The following SCRG1 variants were observed in gnomAD, a reference collection of about 807,000 sequenced individuals.
The protein encoded by SCRG1 is stimulator of chondrogenesis 1.
In SCRG1, 3 loss-of-function variants were observed where a neutral mutation model predicts 7.7. The ratio of observed to expected loss-of-function variants is 0.39; its 90% confidence interval spans 0.18 to 1.01. The LOEUF (loss-of-function observed/expected upper bound fraction) is 1.01, where lower values mean the gene tolerates loss of function less well. Among genes scored for constraint, SCRG1 ranks in the 50% least tolerant of loss-of-function variants. The pLI is 0.36. For missense variants in SCRG1, 110 were observed against 117.2 expected (o/e 0.94, Z 0.28); for synonymous variants, 46 against 41.2 (o/e 1.12, Z -0.44).
chr4:173,504,933 C>T, the SCRG1 span, among the ~76,000 whole-genome samples: 1 of 152,214 alleles, frequency 6.6e-6, no homozygotes, highest in African/African-American at 2.4e-5. The surrounding 1 kb of genome is among the most constrained non-coding windows in gnomAD (Gnocchi z 4.7). Flanking sequence ...AATGCAGTGC[C>T]ACTTTCTGAA....
At chr4:173,450,081 C>T in the SCRG1 span, among the ~76,000 whole-genome samples, 4 of 152,152 alleles carry the variant, frequency 2.6e-5, no homozygotes, top group Non-Finnish European at 5.9e-5. Flanking sequence ...CACAGTTCTG[C>T]ATAGCTGGGG....
the SCRG1 span, among the ~76,000 whole-genome samples, chr4:173,497,827 C>T: frequency 1.3e-5 from 2 of 151,890 alleles, no homozygotes; most frequent in Non-Finnish European, 2.9e-5. Flanking sequence ...CCCACCACCA[C>T]GCCCGGCTAG....
the SCRG1 span, among the ~76,000 whole-genome samples, chr4:173,481,411 C>T: frequency 6.6e-6 from 1 of 152,200 alleles, no homozygotes; most frequent in Non-Finnish European, 1.5e-5. Flanking sequence ...GCTTAGGGAA[C>T]AGTTCACAAT....
chr4:173,466,636 A>G, the SCRG1 span, among the ~76,000 whole-genome samples: 1 of 152,036 alleles, frequency 6.6e-6, no homozygotes, highest in African/African-American at 2.4e-5. Flanking sequence ...AAACTTAAAG[A>G]AAGAGTCCAA....
At chr4:173,392,717 T>C (rs1739485127) in intron 1 of SCRG1, among the ~76,000 whole-genome samples, 2 of 152,222 alleles carry the variant, frequency 1.3e-5, no homozygotes, top group East Asian at 1.9e-4. Context: ...GATTTTATCT[T>C]GTTAACAGGT....
At chr4:173,452,678 T>A in the SCRG1 span, among the ~76,000 whole-genome samples, 2 of 152,172 alleles carry the variant, frequency 1.3e-5, no homozygotes, top group African/African-American at 2.4e-5. Flanking sequence ...GTATTTTTTT[T>A]AAAGACCCTG....
chr4:173,503,809 A>G, the SCRG1 span, among the ~76,000 whole-genome samples: 1 of 152,172 alleles, frequency 6.6e-6, no homozygotes, highest in Non-Finnish European at 1.5e-5. The surrounding 1 kb of genome is among the most constrained non-coding windows in gnomAD (Gnocchi z 6.4). Flanking sequence ...CCCTAATTCT[A>G]TGAGTGGTGG....
chr4:173,411,990 G>T, the SCRG1 span, among the ~76,000 whole-genome samples: 1 of 152,246 alleles, frequency 6.6e-6, no homozygotes, highest in East Asian at 1.9e-4. Flanking sequence ...TTTTGCTTCT[G>T]CCCCATCTAC....
chr4:173,517,760 C>T, the SCRG1 span, among the ~76,000 whole-genome samples: 40 of 152,358 alleles, frequency 2.6e-4, no homozygotes, highest in African/African-American at 9.4e-4. Flanking sequence ...TGGAGGTCTT[C>T]TTTACTAAGA....
the SCRG1 span, among the ~76,000 whole-genome samples, chr4:173,451,630 CTTATTTTATTTATTTATTTATTTAT>C: frequency 4.8e-4 from 24 of 50,026 alleles, no homozygotes; most frequent in African/African-American, 9.4e-4. Context: ...ATTTTACTTA[CTTATTTTATTTATTTATTTATTTAT>C]TTATTTATTT....
At chr4:173,504,469 A>T in the SCRG1 span, among the ~76,000 whole-genome samples, 1 of 152,128 alleles carries the variant, frequency 6.6e-6, no homozygotes, top group Non-Finnish European at 1.5e-5. This position sits in a 1 kb window ranked among gnomAD's most constrained non-coding sequence, Gnocchi z 4.7. Flanking sequence ...TTTGTCTGCA[A>T]ATGTGGGACT....
At chr4:173,486,690 T>C in the SCRG1 span, among the ~76,000 whole-genome samples, 1 of 152,160 alleles carries the variant, frequency 6.6e-6, no homozygotes, top group Admixed American at 6.6e-5. Context: ...CCATTTACAA[T>C]AGTAGCATCA....
At chr4:173,469,387 T>C in the SCRG1 span, 1 of 152,186 alleles carries the variant, frequency 6.6e-6, no homozygotes, top group African/African-American at 2.4e-5. Context: ...TTAATTTTTA[T>C]GAATTTTCTT....
chr4:173,490,720 G>C, the SCRG1 span, among the ~76,000 whole-genome samples: 1 of 152,164 alleles, frequency 6.6e-6, no homozygotes, highest in African/African-American at 2.4e-5. Context: ...AAATTAACAT[G>C]TTTATAACCT....
chr4:173,459,207 A>G, the SCRG1 span, among the ~76,000 whole-genome samples: 1 of 152,240 alleles, frequency 6.6e-6, no homozygotes, highest in Non-Finnish European at 1.5e-5. Context: ...CGCACTGATC[A>G]TCTAGAAAGA....
the SCRG1 span, among the ~76,000 whole-genome samples, chr4:173,514,089 C>A: frequency 6.6e-6 from 1 of 152,150 alleles, no homozygotes; most frequent in African/African-American, 2.4e-5. Context: ...CAATAACTTT[C>A]TGTTTTGCTC....
the SCRG1 span, among the ~76,000 whole-genome samples, chr4:173,511,420 C>A: frequency 1.3e-5 from 2 of 152,062 alleles, no homozygotes; most frequent in Non-Finnish European, 2.9e-5. This position sits in a 1 kb window ranked among gnomAD's most constrained non-coding sequence, Gnocchi z 5.2. Flanking sequence ...CCCTCTATAC[C>A]GTTTTTTGTT....
rs572782335 is a variant in SCRG1 at position 173,387,753 on chromosome 4, C to A, written c.*588G>T. 2 of 144,428 alleles carry A rather than the reference C, an allele frequency of 1.4e-5. No individual in the cohort carries two copies. Among genetic ancestry groups the A allele is most frequent in the East Asian group, 4.1e-4 (2 of 4,938 alleles). 8.9% of individuals were successfully genotyped at this position (144,428 alleles called of 1,614,324 possible). On this transcript the variant is annotated 3_prime_UTR_variant, in exon 3 of 3. Transcript: ENST00000296506. Reference sequence around the variant, plus strand: ...TTCGAGACAGGGTCTTGCTCTGTCACCCAGGCTAGAGTGCAGTAGTGCAAT... The same window carrying A: ...TTCGAGACAGGGTCTTGCTCTGTCAACCAGGCTAGAGTGCAGTAGTGCAAT...
At chr4:173,517,796 C>T in the SCRG1 span, among the ~76,000 whole-genome samples, 185 of 152,380 alleles carry the variant, frequency 1.2e-3, 2 homozygotes, top group African/African-American at 4.3e-3. Context: ...ACAAAAGAGC[C>T]TGGTCTGGTC....
Sources: allele counts gnomAD v4.1 joint callset (sites outside exome capture counted in the v4.1 genomes callset), GRCh38; gene constraint gnomAD v4.1.1; non-coding constraint Gnocchi (gnomAD v3.1); transcripts MANE v1.5; gene names NCBI Gene and HGNC (gene_info 2026-07-23, HGNC 2026-07-21).